RPTOR: variants seen among roughly 807,000 people sequenced by gnomAD.
RPTOR encodes the protein regulatory associated protein of MTOR complex 1.
In RPTOR, 21 loss-of-function variants were observed where a neutral mutation model predicts 169.9. That is an observed-to-expected ratio of 0.12 (90% CI 0.09 to 0.18). The LOEUF is 0.18. RPTOR is among the 10% of genes least tolerant of loss of function. The pLI is 1.00. For missense variants in RPTOR, 1,133 were observed against 1,855.9 expected (o/e 0.61, Z 7.16); for synonymous variants, 732 against 753.2 (o/e 0.97, Z 0.46).
At chr17:80,548,233 G>A (rs925001522) in intron 1 of RPTOR, among the ~76,000 whole-genome samples, 9 of 151,660 alleles carry the variant, frequency 5.9e-5, no homozygotes, top group Non-Finnish European at 8.8e-5. Flanking sequence ...ATAAGTGTGC[G>A]CCAGTGTGTC....
chr17:80,598,882 T>TTCTATCTG (rs2065164398), intron 1 of RPTOR, among the ~76,000 whole-genome samples: 1 of 146,758 alleles, frequency 6.8e-6, no homozygotes. Flanking sequence ...TCTTGATTCT[T>TTCTATCTG]TCTATCTATC....
rs752919213 is a variant in RPTOR at position 80,960,226 on chromosome 17, C to G, written c.3605+21C>G. ...GAATGGTACCTTGACCCTGTCCTCTCCCTCCCCGAGTGCTGGCAGGGTACC... is the reference window on the plus strand; with the variant it reads ...GAATGGTACCTTGACCCTGTCCTCTGCCTCCCCGAGTGCTGGCAGGGTACC... On this transcript the variant is annotated intron_variant, in intron 30 of 33. Coordinates refer to ENST00000306801, the MANE Select transcript of RPTOR (RefSeq NM_020761.3). The surrounding 1 kb of genome is among the most constrained non-coding windows in gnomAD (Gnocchi z 4.8). 3.7e-6 allele frequency: 6 copies of G among 1,612,782 alleles called. No individual in the cohort carries two copies. Among genetic ancestry groups the G allele is most frequent in the Non-Finnish European group, 5.1e-6 (6 of 1,179,688 alleles).
chr17:80,566,841 A>G (rs1260999108), intron 1 of RPTOR, among the ~76,000 whole-genome samples: 2 of 151,792 alleles, frequency 1.3e-5, no homozygotes, highest in African/African-American at 4.8e-5. Context: ...AAAAAAAAAA[A>G]AAAAAAAAAA....
At chr17:80,743,533 G>C in intron 5 of RPTOR, 1 of 829,892 alleles carries the variant, frequency 1.2e-6, no homozygotes, top group Non-Finnish European at 1.5e-6. Context: ...GTCTGAAAGA[G>C]GTCATCAGTT....
At chr17:80,846,736 G>A (rs753547482) in intron 11 of RPTOR, among the ~76,000 whole-genome samples, 162 bp downstream of exon 11, 27 of 152,166 alleles carry the variant, frequency 1.8e-4, no homozygotes, top group African/African-American at 3.9e-4. Flanking sequence ...GGTCGCATTC[G>A]GGCAAACGGA....
At chr17:80,963,082 CG>C (rs2144105576) in intron 33 of RPTOR, 25 bp downstream of exon 33, 14 of 30,936 alleles carry the variant, frequency 4.5e-4, no homozygotes, top group Admixed American at 8.2e-4. Context: ...GGGTGGGGGT[CG>C]GGGGTCGGGG....
chr17:80,546,568 C>T (rs116186672), intron 1 of RPTOR, among the ~76,000 whole-genome samples: 7 of 152,120 alleles, frequency 4.6e-5, no homozygotes, highest in African/African-American at 1.7e-4. Flanking sequence ...AAGGGTAGTA[C>T]TGCTTCTCCT....
At position 80,964,310 on chromosome 17, in the gene RPTOR, GT is replaced by G; in HGVS notation, c.3989del (p.Val1330GlyfsTer22). On this transcript the variant is annotated frameshift_variant, in exon 34 of 34. Coordinates refer to ENST00000306801, the MANE Select transcript of RPTOR (RefSeq NM_020761.3). LOFTEE classifies it high-confidence loss of function. Reference protein sequence around the residue: ...SNDYYISVYSVEKRVR With the variant: ...SNDYYISVYSXEKRVR The stretch of plus-strand genomic sequence containing the variant: ...CGACTACTACATCTCCGTGTACTCG[GT>G]GGAGAAGCGTGTCAGATAGCGGCGT... The G allele has an allele frequency of 6.2e-7, 1 of 1,608,348 alleles. No individual in the cohort carries two copies. Among genetic ancestry groups the G allele is most frequent in the Non-Finnish European group, 8.5e-7 (1 of 1,179,834 alleles).
At chr17:80,636,549 G>C (rs2065508151) in intron 2 of RPTOR, among the ~76,000 whole-genome samples, 1 of 152,182 alleles carries the variant, frequency 6.6e-6, no homozygotes, top group East Asian at 1.9e-4. Flanking sequence ...CAGAAAAGCA[G>C]AAGTGTGCGT....
chr17:80,782,196 G>C (rs1002961566), intron 6 of RPTOR, among the ~76,000 whole-genome samples: 1 of 152,116 alleles, frequency 6.6e-6, no homozygotes, highest in Admixed American at 6.5e-5. Flanking sequence ...TTTCTGGCTG[G>C]CCAGTGATTC....
intron 1 of RPTOR, among the ~76,000 whole-genome samples, chr17:80,563,014 CA>C (rs1401468854): frequency 2.0e-5 from 3 of 152,124 alleles, no homozygotes; most frequent in African/African-American, 7.2e-5. Context: ...CATCCTGCAT[CA>C]ATAGTGGGCC....
chr17:80,664,487 TCTC>T (rs959904062), intron 3 of RPTOR, among the ~76,000 whole-genome samples: 12 of 152,038 alleles, frequency 7.9e-5, no homozygotes, highest in African/African-American at 2.9e-4. Context: ...CCCTTCTCCT[TCTC>T]CTCCTTCCCC....
chr17:80,840,735 CCG>C (rs2067630875), intron 10 of RPTOR, among the ~76,000 whole-genome samples: 1 of 138,968 alleles, frequency 7.2e-6, no homozygotes, highest in South Asian at 2.5e-4. Context: ...CTCACTCTCA[CCG>C]CACGGCAGCT....
At chr17:80,792,461 G>A (rs927228844) in intron 7 of RPTOR, among the ~76,000 whole-genome samples, 29 of 152,248 alleles carry the variant, frequency 1.9e-4, no homozygotes, top group African/African-American at 3.8e-4. Context: ...CACTCCCACC[G>A]TGGAAGGTGG....
intron 25 of RPTOR, among the ~76,000 whole-genome samples, chr17:80,945,027 C>T (rs2069081879): frequency 1.3e-5 from 2 of 150,524 alleles, no homozygotes; most frequent in African/African-American, 4.9e-5. Context: ...ACTGGCTGGG[C>T]GTATGCCCAT....
At chr17:80,675,957 TGA>T (rs2065858564) in intron 3 of RPTOR, among the ~76,000 whole-genome samples, 1 of 152,128 alleles carries the variant, frequency 6.6e-6, no homozygotes, top group African/African-American at 2.4e-5. Context: ...GAAATACTTT[TGA>T]GAGTGTGAAT....
chr17:80,946,222 C>T (rs1382173210), intron 26 of RPTOR, among the ~76,000 whole-genome samples: 1 of 152,066 alleles, frequency 6.6e-6, no homozygotes, highest in Non-Finnish European at 1.5e-5. Flanking sequence ...GTACCCACTT[C>T]ATGGGGGAGG....
chr17:80,780,826 G>A (rs1224933311), intron 6 of RPTOR, among the ~76,000 whole-genome samples: 1 of 152,064 alleles, frequency 6.6e-6, no homozygotes. Context: ...CTTTTTATGA[G>A]CTTTCACCTT....
In RPTOR at chr17:80,745,196, C is replaced by A. The variant is rs2066560434; in HGVS notation, c.655-8814C>A. Among the ~76,000 whole-genome samples the A allele has an allele frequency of 2.6e-5, 4 of 152,224 alleles. No individual in the cohort carries two copies. The South Asian group carries it at 8.3e-4, about 31-fold the overall frequency. ...AGAAATTAGTGTAATTTCTAATTGA[C>A]CATCTTCACAGAGTTGTAGAATGAT... On this transcript the variant is annotated intron_variant, in intron 5 of 33. Coordinates refer to ENST00000306801, the MANE Select transcript of RPTOR (RefSeq NM_020761.3).
Sources: gnomAD v4.1 joint callset for allele counts (sites outside exome capture counted in the v4.1 genomes callset) on GRCh38, gnomAD v4.1.1 for gene constraint, Gnocchi (gnomAD v3.1) non-coding constraint, MANE v1.5 for transcripts, NCBI Gene and HGNC (gene_info 2026-07-23, HGNC 2026-07-21) for gene names.